NOX4: variants seen among roughly 807,000 people sequenced by gnomAD.
NOX4 encodes the protein kidney oxidase-1.
In NOX4, 69 loss-of-function variants were observed where a neutral mutation model predicts 87.6. The ratio of observed to expected loss-of-function variants is 0.79; its 90% CI spans 0.65 to 0.96. NOX4 has a LOEUF of 0.96. Ranked by LOEUF, NOX4 falls within the 40% of genes least tolerant of loss-of-function variation. NOX4 has a pLI of 0.00. For missense variants in NOX4, 680 were observed against 681.5 expected (o/e 1.00, Z 0.02); for synonymous variants, 275 against 238.2 (o/e 1.15, Z -1.42).
At chr11:89,469,609 C>T (rs74563957) in intron 2 of NOX4, among the ~76,000 whole-genome samples, 277 of 152,276 alleles carry the variant, frequency 1.8e-3, no homozygotes, top group African/African-American at 6.4e-3. Flanking sequence ...GTTTACACTG[C>T]TAGTTCATAA....
At chr11:89,535,703 T>A in the NOX4 span, among the ~76,000 whole-genome samples, 51 of 152,340 alleles carry the variant, frequency 3.3e-4, no homozygotes, top group African/African-American at 1.2e-3. Context: ...AAGGACTGTA[T>A]ACAAACTTTT....
the NOX4 span, among the ~76,000 whole-genome samples, chr11:89,516,138 C>T: frequency 1.3e-5 from 2 of 151,924 alleles, no homozygotes; most frequent in South Asian, 2.1e-4. Context: ...TTCTCTTCAT[C>T]CTTAAAAAAA....
At chr11:89,567,487 A>G in the NOX4 span, among the ~76,000 whole-genome samples, 1 of 152,240 alleles carries the variant, frequency 6.6e-6, no homozygotes, top group Non-Finnish European at 1.5e-5. Flanking sequence ...AAAGAGGTTT[A>G]GTTGACTCAC....
chr11:89,421,070 T>C (rs1248963672), intron 8 of NOX4, among the ~76,000 whole-genome samples: 1 of 152,188 alleles, frequency 6.6e-6, no homozygotes, highest in African/African-American at 2.4e-5. Context: ...TGGGGGTAAA[T>C]GCTTCTGAGC....
the NOX4 span, among the ~76,000 whole-genome samples, chr11:89,517,634 T>A: frequency 2.6e-5 from 1 of 38,066 alleles, no homozygotes; most frequent in Non-Finnish European, 5.4e-5. Context: ...ACTGGCTAAT[T>A]TTTTTTTTTT....
intron 6 of NOX4, among the ~76,000 whole-genome samples, chr11:89,438,846 T>TATATAA (rs373716565): frequency 3.9e-5 from 1 of 25,396 alleles, no homozygotes; most frequent in Non-Finnish European, 6.4e-5. Flanking sequence ...ATTATATATA[T>TATATAA]TATATAATAT....
At chr11:89,326,906 C>T (rs766478220) in intron 17 of NOX4, 30 bp from the exon 18 acceptor site, 22 of 1,611,020 alleles carry the variant, frequency 1.4e-5, no homozygotes, top group Non-Finnish European at 1.8e-5. Flanking sequence ...AATGGAAAAT[C>T]AGGTGTAAAA....
At chr11:89,536,141 T>TC in the NOX4 span, among the ~76,000 whole-genome samples, 2 of 67,226 alleles carry the variant, frequency 3.0e-5, no homozygotes, top group African/African-American at 7.9e-5. Flanking sequence ...TCCTTTTCTT[T>TC]TTTTTTTTTT....
At chr11:89,509,799 T>C in the NOX4 span, among the ~76,000 whole-genome samples, 2 of 151,898 alleles carry the variant, frequency 1.3e-5, no homozygotes, top group Non-Finnish European at 2.9e-5. Flanking sequence ...GAAGGAAAAC[T>C]AAAACACGAT....
intron 12 of NOX4, among the ~76,000 whole-genome samples, chr11:89,357,412 T>C (rs889885956): frequency 6.6e-6 from 1 of 152,168 alleles, no homozygotes; most frequent in African/African-American, 2.4e-5. Flanking sequence ...GATATTACTC[T>C]GTTTAATTTA....
chr11:89,462,723 A>T (rs1945526127), intron 2 of NOX4, among the ~76,000 whole-genome samples: 1 of 152,104 alleles, frequency 6.6e-6, no homozygotes, highest in Non-Finnish European at 1.5e-5. Context: ...TTAAATATCA[A>T]AATCAAAATT....
chr11:89,492,405 T>TA (rs770708638), upstream of NOX4, among the ~76,000 whole-genome samples: 9 of 152,158 alleles, frequency 5.9e-5, no homozygotes, highest in Non-Finnish European at 7.4e-5. Context: ...ACTCTTAAAA[T>TA]AAAAAATCTT....
chr11:89,346,715 G>A (rs1176032395), intron 13 of NOX4, among the ~76,000 whole-genome samples: 1 of 152,072 alleles, frequency 6.6e-6, no homozygotes, highest in Admixed American at 6.6e-5. Flanking sequence ...TATCTGAGTC[G>A]GGAATGAGTT....
chr11:89,434,515 T>A (rs1386304240), intron 6 of NOX4, among the ~76,000 whole-genome samples: 2 of 152,002 alleles, frequency 1.3e-5, no homozygotes, highest in Non-Finnish European at 2.9e-5. Context: ...AGATAACTAG[T>A]CTAGTTCACT....
chr11:89,376,392 G>A (rs1411304938), intron 11 of NOX4, among the ~76,000 whole-genome samples: 1 of 152,150 alleles, frequency 6.6e-6, no homozygotes, highest in African/African-American at 2.4e-5. Context: ...ATATTGCCTA[G>A]ATCACATTGT....
chr11:89,363,247 T>A (rs1938667694), intron 12 of NOX4, among the ~76,000 whole-genome samples: 1 of 152,084 alleles, frequency 6.6e-6, no homozygotes, highest in African/African-American at 2.4e-5. Context: ...GCCGTGGTAC[T>A]AGATAAGGTG....
Position 89,336,090 on chromosome 11 carries a change from T to G in NOX4, c.1516-145A>C, listed in dbSNP as rs1945702098. The G allele has an allele frequency of 4.3e-5, 19 of 437,394 alleles. No homozygotes were observed. In the East Asian group the frequency reaches 6.4e-4, roughly 15 times the overall value. 27.1% of individuals were successfully genotyped at this position (437,394 alleles called of 1,614,324 possible). ...TCAAATGGCAACCTATCACGTACAA[T>G]TATTTCAAAATATCATTTCCTTTCT... is the stretch of plus-strand genomic sequence containing the variant. On this transcript the variant is annotated intron_variant, in intron 16 of 17. Transcript: ENST00000263317.
At chr11:89,399,822 G>T (rs1941721754) in intron 11 of NOX4, among the ~76,000 whole-genome samples, 195 bp downstream of exon 11, 1 of 151,654 alleles carries the variant, frequency 6.6e-6, no homozygotes, top group African/African-American at 2.4e-5. Flanking sequence ...TGAATTGCAA[G>T]GTGTCAAAAA....
chr11:89,496,364 T>A (rs533977620), upstream of NOX4, among the ~76,000 whole-genome samples: 12 of 152,318 alleles, frequency 7.9e-5, no homozygotes, highest in East Asian at 1.7e-3. Flanking sequence ...AGATGTTCAA[T>A]GAAAGCTTGT....
Sources: allele counts gnomAD v4.1 joint callset (sites outside exome capture counted in the v4.1 genomes callset), GRCh38; gene constraint gnomAD v4.1.1; transcripts MANE v1.5; gene names NCBI Gene and HGNC (gene_info 2026-07-23, HGNC 2026-07-21).